Variants in AFAP1 observed in about 807,000 individuals in gnomAD.
The protein encoded by AFAP1 is actin filament associated protein 1.
A neutral mutation model predicts 93.9 loss-of-function variants in AFAP1; 75 were observed. The observed-to-expected ratio is 0.80, with a 90% confidence interval of 0.66 to 0.97. The LOEUF is 0.97. AFAP1 is among the 50% of genes least tolerant of loss of function. The pLI is 0.00. For missense variants in AFAP1, 1,201 were observed against 1,050.8 expected (o/e 1.14, Z -1.98); for synonymous variants, 517 against 430.7 (o/e 1.20, Z -2.48).
rs1270555902 is a variant in AFAP1 at position 7,822,573 on chromosome 4, CTTTTTCT to C, written c.727-3409_727-3403del. 1.2e-4 allele frequency among the ~76,000 whole-genome samples: 17 copies of C among 137,922 alleles called. No individual in the cohort carries two copies. The South Asian group carries it at 3.0e-3, about 24-fold the overall frequency. 90.5% of individuals were successfully genotyped at this position (137,922 alleles called of 152,430 possible). Reference sequence around the variant, plus strand: ...TTCAAAAAAAACGGTTGTCTTCTTTCTTTTTCTTTTTTCTTTTTTTTTTTTTTTTGAG... The same window carrying C: ...TTCAAAAAAAACGGTTGTCTTCTTTCTTTTTCTTTTTTTTTTTTTTTTGAG... On this transcript the variant is annotated intron_variant, in intron 6 of 17. Transcript: ENST00000420658.
intron 5 of AFAP1, among the ~76,000 whole-genome samples, chr4:7,841,643 C>A (rs1242547931): frequency 6.6e-6 from 1 of 152,046 alleles, no homozygotes; most frequent in African/African-American, 2.4e-5. Flanking sequence ...ATTTTTTATG[C>A]CAATGGGGGT....
chr4:7,851,442 G>A (rs1714429336), intron 4 of AFAP1, among the ~76,000 whole-genome samples: 1 of 152,172 alleles, frequency 6.6e-6, no homozygotes, highest in South Asian at 2.1e-4. Flanking sequence ...CGACAATGGA[G>A]AGGAATATGA....
chr4:7,877,358 G>A (rs1035406410), intron 1 of AFAP1, among the ~76,000 whole-genome samples: 5 of 152,200 alleles, frequency 3.3e-5, no homozygotes, highest in Non-Finnish European at 5.9e-5. Flanking sequence ...CAGCGAAGAC[G>A]CACTGCGCCC....
At chr4:7,831,393 T>TA (rs34512873) in intron 6 of AFAP1, among the ~76,000 whole-genome samples, 53,879 of 137,840 alleles carry the variant, frequency 0.39, 10,536 homozygotes, top group Middle Eastern at 0.49. Context: ...CAGCAAATGC[T>TA]AAAAAAAAAA....
rs982406676 is a variant in AFAP1, at chr4:7,878,237, G to A, written c.-2-6157C>T. Among the ~76,000 whole-genome samples the A allele has an allele frequency of 1.6e-4, 24 of 152,274 alleles. No individual in the cohort carries two copies. The Middle Eastern group carries it at 0.01, about 65-fold the overall frequency. ...GTGTGCCTGAGCAGGGGGTGGCATC[G>A]TACTACTCTGGTCTGTGGACACGCA... is the stretch of plus-strand genomic sequence containing the variant. On this transcript the variant is annotated intron_variant, in intron 1 of 17. Coordinates refer to ENST00000420658, the MANE Select transcript of AFAP1 (RefSeq NM_001134647.2).
intron 10 of AFAP1, chr4:7,798,834 A>C (rs1718742291): frequency 1.3e-4 from 107 of 841,158 alleles, no homozygotes; most frequent in East Asian, 2.5e-4. Flanking sequence ...ACCCACCCCC[A>C]CCGCACCCCG....
At chr4:7,782,728 C>G (rs1716897061) in intron 12 of AFAP1, among the ~76,000 whole-genome samples, 1 of 152,222 alleles carries the variant, frequency 6.6e-6, no homozygotes, top group East Asian at 1.9e-4. Context: ...CTGCATAGTC[C>G]TTTCTGCCAG....
At chr4:7,874,269 T>C (rs745737752) in intron 1 of AFAP1, among the ~76,000 whole-genome samples, 1 of 151,904 alleles carries the variant, frequency 6.6e-6, no homozygotes, top group Non-Finnish European at 1.5e-5. Flanking sequence ...TTTGGTGTAG[T>C]ATCAAAGAAG....
chr4:7,798,786 G>A, intron 10 of AFAP1: 1 of 648,090 alleles, frequency 1.5e-6, no homozygotes, highest in Non-Finnish European at 1.9e-6. Flanking sequence ...AGCAATGGCA[G>A]GGCAGGTGAC....
At chr4:7,863,398 G>A (rs1045398436) in intron 3 of AFAP1, among the ~76,000 whole-genome samples, 41 of 152,140 alleles carry the variant, frequency 2.7e-4, no homozygotes, top group African/African-American at 9.6e-4. Flanking sequence ...CAGCCTGGGC[G>A]ACAAAGCGAG....
chr4:7,787,810 T>C (rs1717449298), intron 11 of AFAP1, among the ~76,000 whole-genome samples: 1 of 152,258 alleles, frequency 6.6e-6, no homozygotes, highest in East Asian at 1.9e-4. Flanking sequence ...ACTGGGTTTC[T>C]GCTCCGTCCC....
At chr4:7,838,381 T>C in intron 6 of AFAP1, 143 bp downstream of exon 6, 1 of 934,922 alleles carries the variant, frequency 1.1e-6, no homozygotes, top group Non-Finnish European at 1.5e-6. Context: ...GTCATCAGAA[T>C]ATTTAGCTAT....
chr4:7,786,772 C>G (rs1717303962), intron 11 of AFAP1, among the ~76,000 whole-genome samples: 1 of 152,262 alleles, frequency 6.6e-6, no homozygotes, highest in African/African-American at 2.4e-5. Flanking sequence ...GAACACATGC[C>G]TCTTTCACAA....
intron 7 of AFAP1, among the ~76,000 whole-genome samples, chr4:7,817,523 G>A (rs1276916255): frequency 6.6e-6 from 1 of 152,136 alleles, no homozygotes; most frequent in African/African-American, 2.4e-5. Context: ...CTCAGGAGGT[G>A]GAGGCTGCAG....
At chr4:7,821,941 A>G (rs1246406048) in intron 6 of AFAP1, among the ~76,000 whole-genome samples, 1 of 152,246 alleles carries the variant, frequency 6.6e-6, no homozygotes, top group Non-Finnish European at 1.5e-5. Flanking sequence ...TCGCTGTCAT[A>G]TCTCCTCTTT....
rs1719235326 is a variant in AFAP1 at position 7,803,527 on chromosome 4, C to A, written c.1055-2874G>T. On this transcript the variant is annotated intron_variant, in intron 9 of 17. Coordinates refer to ENST00000420658, the MANE Select transcript of AFAP1 (RefSeq NM_001134647.2). The stretch of plus-strand genomic sequence containing the variant: ...GGGGACCGGCCCTGATCCCCAACCA[C>A]AGGGGACCCGGCCCCGATCCCCAAC... 2.0e-5 allele frequency among the ~76,000 whole-genome samples: 3 copies of A among 152,038 alleles called. No homozygotes were observed. The South Asian group carries it at 6.2e-4, about 32-fold the overall frequency.
intron 1 of AFAP1, among the ~76,000 whole-genome samples, chr4:7,938,651 A>G (rs754803740): frequency 4.7e-4 from 72 of 151,770 alleles, no homozygotes; most frequent in Non-Finnish European, 8.5e-4. Context: ...CTTGAAACGC[A>G]TTTTCCAGCC....
chr4:7,812,360 G>A (rs946834178), intron 8 of AFAP1, among the ~76,000 whole-genome samples: 19 of 152,010 alleles, frequency 1.2e-4, no homozygotes, highest in African/African-American at 4.3e-4. Context: ...CAACTTGACC[G>A]ACAAAGTGCT....
chr4:7,924,571 G>C (rs1720622809), intron 1 of AFAP1, among the ~76,000 whole-genome samples: 1 of 152,084 alleles, frequency 6.6e-6, no homozygotes, highest in Non-Finnish European at 1.5e-5. Flanking sequence ...CTGCTTCCAG[G>C]GGACACAGAC....
Sources: gnomAD v4.1 joint callset for allele counts (sites outside exome capture counted in the v4.1 genomes callset) on GRCh38, gnomAD v4.1.1 for gene constraint, MANE v1.5 for transcripts, NCBI Gene and HGNC (gene_info 2026-07-23, HGNC 2026-07-21) for gene names.